The following ADAMTS9 variants were observed in gnomAD, a reference collection of about 807,000 sequenced individuals.
ADAMTS9 encodes ADAM metallopeptidase with thrombospondin type 1 motif 9, also known as A disintegrin and metalloproteinase with thrombospondin motifs 9.
In ADAMTS9, 107 loss-of-function variants were observed where a neutral mutation model predicts 257.1. That is an observed-to-expected ratio of 0.42 (90% CI 0.36 to 0.49). The LOEUF is 0.49. ADAMTS9 is among the 20% of genes least tolerant of loss of function. ADAMTS9 has a pLI of 0.03. For missense variants in ADAMTS9, 2,353 were observed against 2,469.1 expected (o/e 0.95, Z 1.00); for synonymous variants, 982 against 880.9 (o/e 1.11, Z -2.03).
chr3:64,573,821 TGCC>T (rs1367474596), intron 28 of ADAMTS9, among the ~76,000 whole-genome samples: 13 of 152,166 alleles, frequency 8.5e-5, no homozygotes, highest in African/African-American at 3.1e-4. Flanking sequence ...GCAAAGGAGA[TGCC>T]AGCCTGTACC....
intron 38 of ADAMTS9, among the ~76,000 whole-genome samples, chr3:64,523,475 G>A (rs1235816373): frequency 6.6e-6 from 1 of 152,132 alleles, no homozygotes; most frequent in African/African-American, 2.4e-5. Context: ...CAAAAAGGTT[G>A]GGAAAGAACT....
intron 3 of ADAMTS9, among the ~76,000 whole-genome samples, chr3:64,661,122 T>C (rs1477356730): frequency 6.6e-6 from 1 of 152,214 alleles, no homozygotes; most frequent in Non-Finnish European, 1.5e-5. Context: ...ACTACTATAG[T>C]AAAATCTGAA....
intron 28 of ADAMTS9, chr3:64,583,861 G>C (rs2084072033): frequency 6.6e-6 from 1 of 152,114 alleles, no homozygotes; most frequent in South Asian, 2.1e-4. Context: ...AAAGGGTTAG[G>C]AAGCCCCCAT....
Position 64,534,031 on chromosome 3 carries a change from G to A in ADAMTS9, c.5614-761C>T, listed in dbSNP as rs573443980. Among the ~76,000 whole-genome samples, 102 of 152,302 alleles carry A rather than the reference G, an allele frequency of 6.7e-4. 1 individual carries two copies. The highest frequency in any genetic ancestry group is 2.1e-3 in the African/African-American group (89 of 41,560). The stretch of plus-strand genomic sequence containing the variant: ...TCAAAAATGACTCGCAAAGGCATCT[G>A]AAATACTTTCTTCTTGAGGCTTCCT... On this transcript the variant is annotated intron_variant, in intron 37 of 39. Coordinates refer to ENST00000498707, the MANE Select transcript of ADAMTS9 (RefSeq NM_182920.2).
At chr3:64,636,704 CAT>C (rs1262344448) in intron 12 of ADAMTS9, among the ~76,000 whole-genome samples, 1 of 152,150 alleles carries the variant, frequency 6.6e-6, no homozygotes, top group Non-Finnish European at 1.5e-5. Context: ...TTTTGGGACA[CAT>C]GTGAACTATG....
chr3:64,536,439 G>C (rs1489666632), intron 37 of ADAMTS9, among the ~76,000 whole-genome samples: 1 of 152,216 alleles, frequency 6.6e-6, no homozygotes, highest in East Asian at 1.9e-4. Context: ...ACGTTTACTA[G>C]TTGGTCCGTA....
Position 64,533,192 on chromosome 3 carries a change from C to CATAATTCCCTTGTG in ADAMTS9, c.5678_5691dup (p.Ala1898HisfsTer20). The CATAATTCCCTTGTG allele has an allele frequency of 6.3e-7, 1 of 1,591,528 alleles. No homozygotes were observed. The highest frequency in any genetic ancestry group is 8.6e-7 in the Non-Finnish European group (1 of 1,166,388). ...GGCGACTTCTTGATGTCAGAGACAG[C>CATAATTCCCTTGTG]ATAATTCCCTTGTGATATCCATCTG... On this transcript the variant is annotated frameshift_variant, in exon 38 of 40. Transcript: ENST00000498707. LOFTEE classifies it high-confidence loss of function.
At chr3:64,557,728 C>T (rs1443581705) in intron 30 of ADAMTS9, among the ~76,000 whole-genome samples, 1 of 152,200 alleles carries the variant, frequency 6.6e-6, no homozygotes, top group Non-Finnish European at 1.5e-5. Flanking sequence ...ATAGAATTCC[C>T]ATTTGGCAGA....
chr3:64,672,677 TCA>T, intron 3 of ADAMTS9, among the ~76,000 whole-genome samples: 1 of 146,094 alleles, frequency 6.8e-6, no homozygotes, highest in Admixed American at 7.0e-5. Flanking sequence ...AGCAAGACTC[TCA>T]AAACAACAAC....
chr3:64,674,860 G>A (rs960342676), intron 3 of ADAMTS9, among the ~76,000 whole-genome samples: 3 of 152,126 alleles, frequency 2.0e-5, no homozygotes, highest in African/African-American at 7.2e-5. Flanking sequence ...AATCTAATCA[G>A]CTAATCTATG....
chr3:64,585,914 T>A (rs1302409774), intron 28 of ADAMTS9, among the ~76,000 whole-genome samples: 1 of 152,160 alleles, frequency 6.6e-6, no homozygotes. Flanking sequence ...AATGGCTCAA[T>A]TAGCTTCAGA....
chr3:64,670,610 A>C (rs4309722), intron 3 of ADAMTS9, among the ~76,000 whole-genome samples: 106,197 of 152,154 alleles, frequency 0.7, 38,121 homozygotes, highest in African/African-American at 0.88. Context: ...ACAATATTTA[A>C]AAACTATATC....
chr3:64,572,017 C>T (rs1283734307), intron 28 of ADAMTS9, among the ~76,000 whole-genome samples: 1 of 152,054 alleles, frequency 6.6e-6, no homozygotes, highest in Non-Finnish European at 1.5e-5. Flanking sequence ...ATAGTTCTTG[C>T]TCTAGGGAAT....
intron 3 of ADAMTS9, among the ~76,000 whole-genome samples, chr3:64,666,517 G>A (rs1701357253): frequency 6.6e-6 from 1 of 152,166 alleles, no homozygotes; most frequent in Non-Finnish European, 1.5e-5. Flanking sequence ...CATCTGTGGT[G>A]TTCCACTTGG....
At chr3:64,591,266 C>T (rs2084253414) in intron 28 of ADAMTS9, among the ~76,000 whole-genome samples, 1 of 152,004 alleles carries the variant, frequency 6.6e-6, no homozygotes. Context: ...ATGGCGAAAC[C>T]CCGTCTCTAC....
intron 28 of ADAMTS9, among the ~76,000 whole-genome samples, chr3:64,579,518 C>T (rs992689636): frequency 2.6e-5 from 4 of 151,938 alleles, no homozygotes; most frequent in African/African-American, 7.3e-5. Flanking sequence ...GTTTGTGATT[C>T]GTAGCTTGTC....
In ADAMTS9 at chr3:64,686,226, T is replaced by C. The variant is rs1701902655; in HGVS notation, c.516+342A>G. On this transcript the variant is annotated intron_variant, in intron 2 of 39. Transcript: ENST00000498707. The surrounding 1 kb of genome is among the most constrained non-coding windows in gnomAD (Gnocchi z 4.6). ...GCGGCTCCGCTCCCGGGTGGCCAAG[T>C]TTGCTGCAGGGAACCGCAACTCCAG... 6.6e-6 allele frequency among the ~76,000 whole-genome samples: 1 copy of C among 152,216 alleles called. No individual in the cohort carries two copies. The highest frequency in any genetic ancestry group is 2.4e-5 in the African/African-American group (1 of 41,466).
At chr3:64,568,184 G>A (rs952211384) in intron 29 of ADAMTS9, among the ~76,000 whole-genome samples, 184 bp downstream of exon 29, 2 of 152,062 alleles carry the variant, frequency 1.3e-5, no homozygotes, top group African/African-American at 2.4e-5. Context: ...AGCTCCAGAG[G>A]CTGGAGCCCA....
At chr3:64,538,492 C>A (rs1021813756) in intron 37 of ADAMTS9, among the ~76,000 whole-genome samples, 7 of 150,574 alleles carry the variant, frequency 4.6e-5, no homozygotes, top group African/African-American at 7.3e-5. Flanking sequence ...AAAAAAAAAA[C>A]CTTACCAATG....
Sources: gnomAD v4.1 joint callset for allele counts (sites outside exome capture counted in the v4.1 genomes callset) on GRCh38, gnomAD v4.1.1 for gene constraint, Gnocchi (gnomAD v3.1) non-coding constraint, MANE v1.5 for transcripts, NCBI Gene and HGNC (gene_info 2026-07-23, HGNC 2026-07-21) for gene names.